Variants in QRICH1 observed in about 807,000 individuals in gnomAD.
The protein encoded by QRICH1 is transcriptional regulator QRICH1.
A neutral mutation model predicts 87.1 loss-of-function variants in QRICH1; 16 were observed. The observed-to-expected ratio is 0.18, with a 90% CI of 0.12 to 0.28. The LOEUF is 0.28. Ranked by LOEUF, QRICH1 falls within the 10% of genes least tolerant of loss-of-function variation. The pLI is 1.00. For missense variants in QRICH1, 647 were observed against 951.7 expected, an observed-to-expected ratio of 0.68 and a Z score of 4.21; for synonymous variants, 367 against 368.4, an observed-to-expected ratio of 1.00 and a Z score of 0.05.
chr3:49,047,296 C>A (rs747898004), intron 3 of QRICH1, 50 bp from the exon 4 acceptor site: 3 of 1,527,304 alleles, frequency 2.0e-6, no homozygotes, highest in Admixed American at 2.0e-5. Context: ...TATATTAGAT[C>A]CTTCTGCAAA....
chr3:49,068,377 A>T (rs938647237), intron 2 of QRICH1, among the ~76,000 whole-genome samples: 1 of 151,760 alleles, frequency 6.6e-6, no homozygotes, highest in African/African-American at 2.4e-5. Flanking sequence ...GGATCCCTTA[A>T]GCATGGGAGG....
chr3:49,093,625 A>G, intron 1 of QRICH1: 1 of 158,434 alleles, frequency 6.3e-6, no homozygotes. Context: ...GTCGGCGGCC[A>G]CGCGCACCGA....
At position 49,060,133 on chromosome 3, in the gene QRICH1, T is replaced by C. The variant is rs534108598; in HGVS notation, c.310-2243A>G. Among the ~76,000 whole-genome samples the C allele has an allele frequency of 2.6e-5, 4 of 151,858 alleles. No homozygotes were observed. The East Asian group carries it at 7.8e-4, about 30-fold the overall frequency. On this transcript the variant is annotated intron_variant, in intron 2 of 9. Transcript: ENST00000395443. The stretch of plus-strand genomic sequence containing the variant: ...CTCCTGACCTCATGATCCGCCCACC[T>C]CGGCCTCCCAAAGTGCTGGGATTAC...
rs1323188645 is a variant in QRICH1, at chr3:49,076,952, G to C, written c.66C>G (p.Val22=). The C allele has an allele frequency of 1.9e-6, 3 of 1,602,672 alleles. No homozygotes were observed. The highest frequency in any genetic ancestry group is 4.5e-5 in the East Asian group (2 of 44,576). The part of the protein sequence containing the change: ...EEYIRVKARS[V]PQHRMKEFLD... ...GAAATTCCTTCATCCTGTGTTGCGG[G>C]ACAGACCGTGCCTTTACTCGGATGT... Residue 22 remains valine (V), a synonymous_variant, in exon 2 of 10, where the codon GTC becomes GTG. Coordinates refer to ENST00000395443, the MANE Select transcript of QRICH1 (RefSeq NM_198880.3).
At chr3:49,087,955 TA>T (rs1258442823) in intron 1 of QRICH1, among the ~76,000 whole-genome samples, 8 of 151,276 alleles carry the variant, frequency 5.3e-5, no homozygotes, top group South Asian at 2.1e-4. Context: ...TTATTTCATT[TA>T]TTTTTTTTTT....
At chr3:49,085,794 A>G (rs2042157131) in intron 1 of QRICH1, among the ~76,000 whole-genome samples, 1 of 151,890 alleles carries the variant, frequency 6.6e-6, no homozygotes, top group African/African-American at 2.4e-5. Flanking sequence ...TAAACCATAA[A>G]ATACCAAAAA....
In QRICH1 at chr3:49,057,626, G is replaced by A. The variant is rs775404255; in HGVS notation, c.574C>T (p.His192Tyr). 6.2e-7 allele frequency: 1 copy of A among 1,614,220 alleles called. No homozygotes were observed. The highest frequency in any genetic ancestry group is 8.5e-7 in the Non-Finnish European group (1 of 1,180,030). Residue 192 changes from histidine to tyrosine, a missense_variant, in exon 3 of 10, where the codon CAT (histidine) becomes TAT (tyrosine). Physicochemically the swap from His to Tyr is moderately conservative, Grantham distance 83 (BLOSUM62 2). Coordinates refer to ENST00000395443, the MANE Select transcript of QRICH1 (RefSeq NM_198880.3). The surrounding 1 kb of genome is among the most constrained non-coding windows in gnomAD (Gnocchi z 5.4). ...AAEIPEEHIP[H>Y]QQIQAQLVAG... ...ACCAGCTGAGCCTGGATTTGCTGAT[G>A]TGGGATGTGCTCCTCCGGGATTTCT...
intron 3 of QRICH1, among the ~76,000 whole-genome samples, chr3:49,056,541 T>C (rs1415490919): frequency 6.6e-6 from 1 of 151,984 alleles, no homozygotes; most frequent in African/African-American, 2.4e-5. Context: ...ACACTTGAGG[T>C]GTCCCATTCA....
intron 2 of QRICH1, among the ~76,000 whole-genome samples, chr3:49,070,059 C>CAA (rs1164293960): frequency 6.7e-6 from 1 of 150,158 alleles, no homozygotes; most frequent in African/African-American, 2.4e-5. Flanking sequence ...TTTTTGGAGA[C>CAA]AGAGTTTCGC....
At chr3:49,054,069 T>A (rs1016407821) in intron 3 of QRICH1, among the ~76,000 whole-genome samples, 2 of 152,180 alleles carry the variant, frequency 1.3e-5, no homozygotes, top group African/African-American at 4.8e-5. Flanking sequence ...ATTTTTCTAT[T>A]TCTGGTAATA....
At chr3:49,073,810 C>A (rs2041896237) in intron 2 of QRICH1, among the ~76,000 whole-genome samples, 1 of 151,724 alleles carries the variant, frequency 6.6e-6, no homozygotes, top group Non-Finnish European at 1.5e-5. Flanking sequence ...CCACACCCAG[C>A]TAATTTTTTC....
At chr3:49,084,252 CTTTTTTA>C (rs1296101059) in intron 1 of QRICH1, among the ~76,000 whole-genome samples, 2 of 151,666 alleles carry the variant, frequency 1.3e-5, no homozygotes, top group East Asian at 3.9e-4. Flanking sequence ...AGCCTAAATT[CTTTTTTA>C]TTTTTATTTT....
chr3:49,053,865 G>A (rs924558262), intron 3 of QRICH1, among the ~76,000 whole-genome samples: 1 of 152,130 alleles, frequency 6.6e-6, no homozygotes, highest in Non-Finnish European at 1.5e-5. Context: ...TCCCCTTAGG[G>A]TTCAACTTGA....
intron 3 of QRICH1, among the ~76,000 whole-genome samples, chr3:49,051,592 C>T (rs201785075): frequency 3.6e-5 from 5 of 139,038 alleles, no homozygotes; most frequent in East Asian, 2.3e-4. Flanking sequence ...GCGCCCCCCC[C>T]CCCCTCCGCT....
At chr3:49,047,326 G>C in intron 3 of QRICH1, 80 bp from the exon 4 acceptor site, 1 of 1,298,066 alleles carries the variant, frequency 7.7e-7, no homozygotes, top group East Asian at 2.3e-5. Flanking sequence ...AAAATGTTAT[G>C]TATAGTTCAT....
At chr3:49,049,823 TAAAA>T (rs1388144888) in intron 3 of QRICH1, among the ~76,000 whole-genome samples, 1 of 152,018 alleles carries the variant, frequency 6.6e-6, no homozygotes, top group Non-Finnish European at 1.5e-5. Flanking sequence ...CTTTATACCC[TAAAA>T]ATATTAAAAT....
chr3:49,093,011 C>G (rs781342823), intron 1 of QRICH1, among the ~76,000 whole-genome samples: 1 of 152,146 alleles, frequency 6.6e-6, no homozygotes, highest in Non-Finnish European at 1.5e-5. Flanking sequence ...TCACATGGGC[C>G]ACATAAGCGA....
rs1343633322 is a variant in QRICH1, at chr3:49,044,377, G to A, written c.1786+13C>T. ...AGGTAGGAAAGATATCCAAGGACAA[G>A]GGAGACTCTTACCAAGTGGAGTGAC... On this transcript the variant is annotated intron_variant, in intron 6 of 9. Coordinates refer to ENST00000395443, the MANE Select transcript of QRICH1 (RefSeq NM_198880.3). The A allele has an allele frequency of 1.9e-6, 3 of 1,572,584 alleles. No individual in the cohort carries two copies. Among genetic ancestry groups the A allele is most frequent in the Admixed American group, 1.8e-5 (1 of 56,156 alleles).
chr3:49,038,179 G>A (rs560139044), intron 6 of QRICH1, among the ~76,000 whole-genome samples: 152 of 151,160 alleles, frequency 1.0e-3, no homozygotes, highest in Non-Finnish European at 1.8e-3. Context: ...TCCTGCCTCA[G>A]CCTCCATAAT....
Sources: gnomAD v4.1 joint callset for allele counts (sites outside exome capture counted in the v4.1 genomes callset) on GRCh38, gnomAD v4.1.1 for gene constraint, Gnocchi (gnomAD v3.1) non-coding constraint, MANE v1.5 for transcripts, NCBI Gene and HGNC (gene_info 2026-07-23, HGNC 2026-07-21) for gene names.